KIT: variants seen among roughly 807,000 people sequenced by gnomAD.
The protein encoded by KIT is KIT proto-oncogene, receptor tyrosine kinase.
KIT carries 16 observed loss-of-function variants against 105.7 expected under a neutral mutation model. That is an observed-to-expected ratio of 0.15 (90% CI 0.10 to 0.23). The LOEUF (loss-of-function observed/expected upper bound fraction) is 0.23. KIT is among the 10% of genes least tolerant of loss of function. KIT has a pLI of 1.00. For synonymous variants in KIT, 438 were observed against 441.1 expected (o/e 0.99, Z 0.09); for missense variants, 858 against 1,213.8 (o/e 0.71, Z 4.36).
chr4:54,697,133 A>G (rs191241923), intron 2 of KIT, among the ~76,000 whole-genome samples: 2 of 152,220 alleles, frequency 1.3e-5, no homozygotes, highest in African/African-American at 4.8e-5. Flanking sequence ...TGTAGGAGCT[A>G]GACTCAAGTG....
At chr4:54,683,578 T>C (rs1719100303) in intron 1 of KIT, among the ~76,000 whole-genome samples, 1 of 152,230 alleles carries the variant, frequency 6.6e-6, no homozygotes, top group Non-Finnish European at 1.5e-5. Flanking sequence ...AAATATTAAA[T>C]ATTTAACAGA....
intron 7 of KIT, among the ~76,000 whole-genome samples, chr4:54,721,791 C>T (rs1008341776): frequency 1.3e-5 from 2 of 152,174 alleles, no homozygotes; most frequent in Admixed American, 1.3e-4. Flanking sequence ...TATATTTTCC[C>T]TATCAGTTGC....
In KIT at chr4:54,676,781, A is replaced by G. The variant is rs770022227; in HGVS notation, c.67+18700A>G. ...GCACTTGCCTCATTGTTGGCTGTGG[A>G]GTGCACGCTGCACCCCCAAAGGTGT... On this transcript the variant is annotated intron_variant, in intron 1 of 20. Transcript: ENST00000288135. Among the ~76,000 whole-genome samples, 29 of 152,036 alleles carry G rather than the reference A, an allele frequency of 1.9e-4. 1 individual carries two copies. The highest frequency in any genetic ancestry group is 2.8e-4 in the Non-Finnish European group (19 of 67,986).
intron 1 of KIT, among the ~76,000 whole-genome samples, chr4:54,658,457 G>T (rs2109523527): frequency 6.6e-6 from 1 of 152,184 alleles, no homozygotes; most frequent in Admixed American, 6.5e-5. Context: ...TTCTCTTGCC[G>T]TGCGAGGCGC....
chr4:54,716,821 C>T (rs1040555656), intron 7 of KIT, among the ~76,000 whole-genome samples: 1 of 152,150 alleles, frequency 6.6e-6, no homozygotes, highest in Non-Finnish European at 1.5e-5. Flanking sequence ...ATAAGGTTAT[C>T]ATCTGTTGTT....
At chr4:54,681,134 C>T (rs1041308546) in intron 1 of KIT, among the ~76,000 whole-genome samples, 3 of 152,100 alleles carry the variant, frequency 2.0e-5, no homozygotes, top group Admixed American at 6.5e-5. Flanking sequence ...AGCTCGCTAC[C>T]CCGACCCCAA....
intron 7 of KIT, among the ~76,000 whole-genome samples, chr4:54,714,847 C>T (rs149999763): frequency 8.1e-4 from 124 of 152,198 alleles, no homozygotes; most frequent in African/African-American, 2.8e-3. Flanking sequence ...GTGGTGGTGA[C>T]GGGGAGGCAG....
chr4:54,683,972 G>C (rs1719126137), intron 1 of KIT, among the ~76,000 whole-genome samples: 1 of 152,174 alleles, frequency 6.6e-6, no homozygotes, highest in Non-Finnish European at 1.5e-5. Flanking sequence ...AAAAATAAAA[G>C]ACAGAAAAGC....
intron 1 of KIT, among the ~76,000 whole-genome samples, chr4:54,660,349 C>T (rs1300169324): frequency 1.3e-5 from 2 of 152,140 alleles, no homozygotes; most frequent in African/African-American, 4.8e-5. Context: ...AATAGTGAAT[C>T]ATACCTTCCC....
At position 54,682,090 on chromosome 4, in the gene KIT, CT is replaced by C. The variant is rs375084454; in HGVS notation, c.68-13405del. Among the ~76,000 whole-genome samples the C allele has an allele frequency of 2.2e-3, 282 of 128,960 alleles. 1 individual carries two copies. The highest frequency in any genetic ancestry group is 1.0e-2 in the East Asian group (45 of 4,516). The allele number at this position is 128,960 out of a possible 152,430, so 84.6% of individuals were successfully genotyped here. A position where few individuals can be genotyped will look rare whatever the true frequency, so the allele number is the denominator to read the frequency against. ...TTTCTATGTACAAGAACTGAATTTT[CT>C]TTTTTTTTTTTTTTTTGAGACTGGA... On this transcript the variant is annotated intron_variant, in intron 1 of 20. Coordinates refer to ENST00000288135, the MANE Select transcript of KIT (RefSeq NM_000222.3).
At chr4:54,685,696 G>A (rs957443351) in intron 1 of KIT, among the ~76,000 whole-genome samples, 14 of 152,092 alleles carry the variant, frequency 9.2e-5, no homozygotes, top group Non-Finnish European at 1.8e-4. Flanking sequence ...GCCTCACACC[G>A]GCAGCAATTC....
chr4:54,665,173 C>G (rs149252563), intron 1 of KIT, among the ~76,000 whole-genome samples: 1 of 152,058 alleles, frequency 6.6e-6, no homozygotes, highest in African/African-American at 2.4e-5. Context: ...TTTCACATAC[C>G]GTAACATCCT....
At chr4:54,723,557 CAT>C (rs1722021962) in intron 7 of KIT, 25 bp from the exon 8 acceptor site, 10 of 1,457,500 alleles carry the variant, frequency 6.9e-6, no homozygotes, top group Non-Finnish European at 9.6e-6. Context: ...AGCACTCTGA[CAT>C]ATGGCCATTT....
chr4:54,732,014 T>A lies in KIT; in HGVS notation c.2361+16T>A, dbSNP rs2109796310. 1 of 1,612,482 alleles carries A rather than the reference T, an allele frequency of 6.2e-7. No individual in the cohort carries two copies. Among genetic ancestry groups the A allele is most frequent in the Non-Finnish European group, 8.5e-7 (1 of 1,179,006 alleles). On this transcript the variant is annotated intron_variant, in intron 16 of 20. Transcript: ENST00000288135. ...CTCCAAGAATGTAAGTGGGAGTGATTCTCTAAAGAGTTTTGTGTTTTGTTT... is the reference window on the plus strand; with the variant it reads ...CTCCAAGAATGTAAGTGGGAGTGATACTCTAAAGAGTTTTGTGTTTTGTTT...
intron 17 of KIT, among the ~76,000 whole-genome samples, chr4:54,735,013 CTG>C (rs1341639156): frequency 6.6e-6 from 1 of 151,986 alleles, no homozygotes; most frequent in Non-Finnish European, 1.5e-5. Context: ...CTAAAAACCA[CTG>C]TAATTTTAGA....
intron 1 of KIT, among the ~76,000 whole-genome samples, chr4:54,685,446 C>T (rs1719245091): frequency 6.6e-6 from 1 of 152,216 alleles, no homozygotes; most frequent in Non-Finnish European, 1.5e-5. Flanking sequence ...CCCAAGGTCC[C>T]AGGCTCACCT....
At chr4:54,668,625 T>A (rs1398208562) in intron 1 of KIT, among the ~76,000 whole-genome samples, 1 of 152,232 alleles carries the variant, frequency 6.6e-6, no homozygotes, top group African/African-American at 2.4e-5. Context: ...GTGTCTCTTT[T>A]TATTGGAAAA....
At chr4:54,701,121 A>G (rs1720427259) in intron 4 of KIT, among the ~76,000 whole-genome samples, 1 of 152,204 alleles carries the variant, frequency 6.6e-6, no homozygotes, top group Non-Finnish European at 1.5e-5. Flanking sequence ...TTTGTTCTGA[A>G]CCATTTTTCC....
intron 1 of KIT, among the ~76,000 whole-genome samples, chr4:54,665,087 G>C (rs534310395): frequency 2.9e-4 from 44 of 152,172 alleles, no homozygotes; most frequent in African/African-American, 1.1e-3. Flanking sequence ...TCTACTTTCT[G>C]TCTCTGAATT....
Sources: gnomAD v4.1 joint callset for allele counts (sites outside exome capture counted in the v4.1 genomes callset) on GRCh38, gnomAD v4.1.1 for gene constraint, MANE v1.5 for transcripts, NCBI Gene and HGNC (gene_info 2026-07-23, HGNC 2026-07-21) for gene names.